ASIC4: variants seen among roughly 807,000 people sequenced by gnomAD.
The protein encoded by ASIC4 is acid-sensing ion channel 4.
Under a neutral mutation model 53.4 loss-of-function variants are expected in ASIC4, and 28 were observed. That is an observed-to-expected ratio of 0.52 (90% CI 0.39 to 0.72). ASIC4 has a LOEUF of 0.72. Ranked by LOEUF, ASIC4 falls within the 30% of genes least tolerant of loss-of-function variation. ASIC4 has a pLI of 0.00. For synonymous variants in ASIC4, 289 were observed against 301.4 expected (o/e 0.96, Z 0.43); for missense variants, 649 against 729.7 (o/e 0.89, Z 1.27).
the ASIC4 span, among the ~76,000 whole-genome samples, chr2:219,508,315 ATAATT>A: frequency 6.6e-6 from 1 of 152,234 alleles, no homozygotes; most frequent in South Asian, 2.1e-4. Context: ...CATAAATATG[ATAATT>A]TAATTATTTT....
chr2:219,530,914 T>C (rs1695031647), intron 1 of ASIC4, among the ~76,000 whole-genome samples: 2 of 152,164 alleles, frequency 1.3e-5, no homozygotes, highest in African/African-American at 4.8e-5. Flanking sequence ...TCATTGGATC[T>C]GAGCACTGTG....
At position 219,537,190 on chromosome 2, in the gene ASIC4, G is replaced by A. The variant is rs754491811; in HGVS notation, c.1321+33G>A. Reference sequence around the variant, plus strand: ...TGGTGTCCCTGCCCCCAGCTTGTGTGGGGGTGGATCGGCCCGGCCGCTCCC... The same window carrying A: ...TGGTGTCCCTGCCCCCAGCTTGTGTAGGGGTGGATCGGCCCGGCCGCTCCC... On this transcript the variant is annotated intron_variant, in intron 7 of 9. Transcript: ENST00000358078. This position sits in a 1 kb window ranked among gnomAD's most constrained non-coding sequence, Gnocchi z 4.9. 1 of 1,612,560 alleles carries A rather than the reference G, an allele frequency of 6.2e-7. No individual in the cohort carries two copies.
intron 1 of ASIC4, among the ~76,000 whole-genome samples, chr2:219,524,325 A>G (rs1332543309): frequency 6.6e-6 from 1 of 152,234 alleles, no homozygotes; most frequent in African/African-American, 2.4e-5. Context: ...TACTATTTGT[A>G]GGTACTGTGT....
intron 1 of ASIC4, among the ~76,000 whole-genome samples, chr2:219,525,676 A>G (rs1297174650): frequency 6.6e-6 from 1 of 152,232 alleles, no homozygotes; most frequent in Non-Finnish European, 1.5e-5. Context: ...GGGAAGGAAG[A>G]GGCTTTGAAC....
At position 219,537,207 on chromosome 2, in the gene ASIC4, G is replaced by A; in HGVS notation, c.1322-35G>A. ...GCTTGTGTGGGGGTGGATCGGCCCG[G>A]CCGCTCCCTCTGACACTGCTCTCCT... is the stretch of plus-strand genomic sequence containing the variant. On this transcript the variant is annotated intron_variant, in intron 7 of 9. Transcript: ENST00000358078. The surrounding 1 kb of genome is among the most constrained non-coding windows in gnomAD (Gnocchi z 4.9). The A allele has an allele frequency of 6.2e-7, 1 of 1,611,762 alleles. No homozygotes were observed. Among genetic ancestry groups the A allele is most frequent in the South Asian group, 1.1e-5 (1 of 90,960 alleles).
chr2:219,514,070 C>T (rs1420571595), upstream of ASIC4: 1 of 446,876 alleles, frequency 2.2e-6, no homozygotes, highest in African/African-American at 2.0e-5. Context: ...AGTTGGCTGA[C>T]CCTTCATGGG....
upstream of ASIC4, among the ~76,000 whole-genome samples, chr2:219,513,037 C>T (rs1002562575): frequency 2.0e-5 from 3 of 152,218 alleles, no homozygotes; most frequent in East Asian, 1.9e-4. Flanking sequence ...CCAGGCCTGA[C>T]GCAGGGGGCG....
chr2:219,532,392 G>A lies in ASIC4; in HGVS notation c.933G>A (p.Ser311=), dbSNP rs753286194. The A allele has an allele frequency of 1.8e-5, 29 of 1,613,976 alleles. No homozygotes were observed. The East Asian group carries it at 3.3e-4, about 19-fold the overall frequency. Residue 311 remains serine, a synonymous_variant, in exon 4 of 10, where the codon TCG becomes TCA. Coordinates refer to ENST00000358078, the MANE Select transcript of ASIC4 (RefSeq NM_018674.6). ...ELREPELQGY[S]AYSVSACRLR... ...GGGAGCCTGAGCTTCAGGGCTACTC[G>A]GCCTACAGTGTGTCTGCCTGCCGGC...
rs1025979552 is a variant in ASIC4 at position 219,538,625 on chromosome 2, C to T, written c.*579C>T. The T allele has an allele frequency of 6.4e-6, 1 of 157,078 alleles. No homozygotes were observed. Among genetic ancestry groups the T allele is most frequent in the Non-Finnish European group, 1.4e-5 (1 of 70,778 alleles). 9.7% of individuals were successfully genotyped at this position (157,078 alleles called of 1,614,324 possible). On this transcript the variant is annotated 3_prime_UTR_variant, in exon 10 of 10. Transcript: ENST00000358078. ...AGTTCCCCCTGCACCAGCCCCACCC[C>T]TAGAGTCCCTTCTATAGGGAGGGGG...
intron 1 of ASIC4, among the ~76,000 whole-genome samples, chr2:219,520,640 C>A (rs1266974751): frequency 6.6e-6 from 1 of 152,236 alleles, no homozygotes; most frequent in Non-Finnish European, 1.5e-5. Context: ...TGGGTTCAAG[C>A]CTCTTATCTA....
At position 219,538,628 on chromosome 2, in the gene ASIC4, G is replaced by A. The variant is rs1325886455; in HGVS notation, c.*582G>A. On this transcript the variant is annotated 3_prime_UTR_variant, in exon 10 of 10. Coordinates refer to ENST00000358078, the MANE Select transcript of ASIC4 (RefSeq NM_018674.6). ...TCCCCCTGCACCAGCCCCACCCCTA[G>A]AGTCCCTTCTATAGGGAGGGGGCAG... 1 of 156,946 alleles carries A rather than the reference G, an allele frequency of 6.4e-6. No homozygotes were observed. Among genetic ancestry groups the A allele is most frequent in the African/African-American group, 2.4e-5 (1 of 41,450 alleles). The allele number at this position is 156,946 out of a possible 1,614,324, so 9.7% of individuals were successfully genotyped here. A position where few individuals can be genotyped will look rare whatever the true frequency, so the allele number is the denominator to read the frequency against.
intron 1 of ASIC4, among the ~76,000 whole-genome samples, chr2:219,525,218 C>G (rs932151119): frequency 2.6e-5 from 4 of 152,204 alleles, no homozygotes; most frequent in African/African-American, 9.6e-5. Flanking sequence ...ATGCTGGTCT[C>G]TACAAAACCT....
chr2:219,513,632 T>G (rs1694730410), upstream of ASIC4, among the ~76,000 whole-genome samples: 1 of 152,130 alleles, frequency 6.6e-6, no homozygotes, highest in Admixed American at 6.6e-5. Context: ...TCCCCTTTGC[T>G]CCCTGGCTTG....
the ASIC4 span, among the ~76,000 whole-genome samples, chr2:219,507,402 C>T: frequency 6.6e-6 from 1 of 152,260 alleles, no homozygotes; most frequent in Non-Finnish European, 1.5e-5. Context: ...GCCGGTTTTC[C>T]GCTTTGCCAG....
intron 5 of ASIC4, 80 bp from the exon 6 acceptor site, chr2:219,535,091 T>C: frequency 6.5e-7 from 1 of 1,537,750 alleles, no homozygotes; most frequent in Non-Finnish European, 8.7e-7. Flanking sequence ...GGACGGCCCC[T>C]GGGCCTCCTC....
intron 5 of ASIC4, among the ~76,000 whole-genome samples, chr2:219,534,837 C>A (rs1479033684): frequency 6.6e-6 from 1 of 152,114 alleles, no homozygotes; most frequent in Non-Finnish European, 1.5e-5. Context: ...ATCCTCTCCA[C>A]ACCTCCTTGT....
chr2:219,519,657 C>T (rs1048704822), intron 1 of ASIC4, among the ~76,000 whole-genome samples: 5 of 152,208 alleles, frequency 3.3e-5, no homozygotes, highest in African/African-American at 1.2e-4. Flanking sequence ...GCGATTAGTG[C>T]GACAGAGAAA....
At position 219,537,977 on chromosome 2, in the gene ASIC4, C is replaced by T; in HGVS notation, c.1551C>T (p.Ser517=). Residue 517 remains serine (S), a synonymous_variant, in exon 10 of 10, where the codon AGC becomes AGT. Transcript: ENST00000358078. The surrounding 1 kb of genome is among the most constrained non-coding windows in gnomAD (Gnocchi z 4.9). The part of the protein sequence containing the change: ...SRGRVEGGGV[S]SLLPNHHHPH... ...GCCGAGTGGAGGGTGGGGGGGTCAGCAGTCTGCTCCCCAATCACCACCACC... is the reference window on the plus strand; with the variant it reads ...GCCGAGTGGAGGGTGGGGGGGTCAGTAGTCTGCTCCCCAATCACCACCACC... 6.2e-7 allele frequency: 1 copy of T among 1,612,810 alleles called. No individual in the cohort carries two copies. Among genetic ancestry groups the T allele is most frequent in the Non-Finnish European group, 8.5e-7 (1 of 1,179,554 alleles).
chr2:219,511,758 CGGGGTGGGGGT>C (rs1334578925), upstream of ASIC4, among the ~76,000 whole-genome samples: 1 of 113,512 alleles, frequency 8.8e-6, no homozygotes, highest in Non-Finnish European at 2.0e-5. The surrounding 1 kb of genome is among the most constrained non-coding windows in gnomAD (Gnocchi z 5.3). Context: ...GGCGCAGGGC[CGGGGTGGGGGT>C]GGGGAAGAAG....
Sources: gnomAD v4.1 joint callset for allele counts (sites outside exome capture counted in the v4.1 genomes callset) on GRCh38, gnomAD v4.1.1 for gene constraint, Gnocchi (gnomAD v3.1) non-coding constraint, MANE v1.5 for transcripts, NCBI Gene and HGNC (gene_info 2026-07-23, HGNC 2026-07-21) for gene names.